The following WWC2 variants were observed in gnomAD, a reference collection of about 807,000 sequenced individuals.
The protein encoded by WWC2 is WW and C2 domain containing 2.
WWC2 carries 101 observed loss-of-function variants against 138.5 expected under a neutral mutation model. The ratio of observed to expected loss-of-function variants is 0.73; its 90% CI spans 0.62 to 0.86. WWC2 has a LOEUF of 0.86. WWC2 is among the 40% of genes least tolerant of loss of function. The pLI is 0.00. For missense variants in WWC2, 1,420 were observed against 1,419.4 expected (o/e 1.00, Z -0.01); for synonymous variants, 558 against 538.4 (o/e 1.04, Z -0.50).
At chr4:183,281,128 T>A in intron 17 of WWC2, 1 of 533,256 alleles carries the variant, frequency 1.9e-6, no homozygotes, top group Non-Finnish European at 3.0e-6. Flanking sequence ...TTGTTTCGAG[T>A]AATTTTAAAA....
chr4:183,124,945 A>T (rs560721167), intron 1 of WWC2, among the ~76,000 whole-genome samples: 1 of 152,304 alleles, frequency 6.6e-6, no homozygotes, highest in East Asian at 1.9e-4. Flanking sequence ...ATGATTAAAC[A>T]CACTAAATTT....
chr4:183,267,697 A>G lies in WWC2; in HGVS notation c.2208-1274A>G, dbSNP rs544943844. ...TCTGGAGGCATGGTGATACCTGCGT[A>G]GTGTAGGACCAGTGAAATACTCAGC... On this transcript the variant is annotated intron_variant, in intron 14 of 22. Coordinates refer to ENST00000403733, the MANE Select transcript of WWC2 (RefSeq NM_024949.6). Among the ~76,000 whole-genome samples the G allele has an allele frequency of 2.0e-5, 3 of 152,340 alleles. No individual in the cohort carries two copies. The South Asian group carries it at 6.2e-4, about 32-fold the overall frequency.
At chr4:183,315,633 A>T in intron 22 of WWC2, 30 bp from the exon 23 acceptor site, 1 of 1,579,814 alleles carries the variant, frequency 6.3e-7, no homozygotes, top group Non-Finnish European at 8.7e-7. Context: ...CATCATATAT[A>T]AGTCAATTTA....
At chr4:183,261,673 G>T in intron 11 of WWC2, 141 bp downstream of exon 11, 2 of 1,016,968 alleles carry the variant, frequency 2.0e-6, no homozygotes, top group Non-Finnish European at 2.8e-6. Flanking sequence ...CATTTAAGAA[G>T]GAGCTTTTAT....
rs1047703553 is a variant in WWC2, at chr4:183,245,491, A to G, written c.678A>G (p.Lys226=). ...CCAAAGCCATTCTAACAGAACTAAA[A>G]TCTATCAGAAAGGCAATTAGCTCAG... ...SEAKAILTEL[K]SIRKAISSGE... The change falls in exon 6 of 23, where the codon AAA becomes AAG. Residue 226 remains lysine (K), a synonymous_variant. Coordinates refer to ENST00000403733, the MANE Select transcript of WWC2 (RefSeq NM_024949.6). 1 of 1,608,788 alleles carries G rather than the reference A, an allele frequency of 6.2e-7. No homozygotes were observed. The highest frequency in any genetic ancestry group is 1.3e-5 in the African/African-American group (1 of 74,408).
chr4:183,150,073 A>G (rs994479752), intron 1 of WWC2, among the ~76,000 whole-genome samples: 1 of 152,130 alleles, frequency 6.6e-6, no homozygotes, highest in African/African-American at 2.4e-5. Context: ...TTTGATAGGC[A>G]TAGGTCCAGT....
intron 4 of WWC2, among the ~76,000 whole-genome samples, chr4:183,213,196 G>C (rs1735658295): frequency 6.6e-6 from 1 of 152,228 alleles, no homozygotes; most frequent in Non-Finnish European, 1.5e-5. Flanking sequence ...CTTGGGCACA[G>C]ATGGTGCGCT....
In WWC2 at chr4:183,099,478, C is replaced by A; in HGVS notation, c.-14C>A. On this transcript the variant is annotated 5_prime_UTR_variant, in exon 1 of 23. Coordinates refer to ENST00000403733, the MANE Select transcript of WWC2 (RefSeq NM_024949.6). ...TACCTATGGAGGCGCCGCTCGCCGG[C>A]GAGGCCGCCGACCATGCCTAGGAGG... is the stretch of plus-strand genomic sequence containing the variant. The A allele has an allele frequency of 7.7e-7, 1 of 1,293,312 alleles. No homozygotes were observed. The highest frequency in any genetic ancestry group is 9.9e-7 in the Non-Finnish European group (1 of 1,011,046). 80.1% of individuals were successfully genotyped at this position (1,293,312 alleles called of 1,614,324 possible).
At chr4:183,271,045 T>C in intron 15 of WWC2, 35 bp from the exon 16 acceptor site, 1 of 1,445,168 alleles carries the variant, frequency 6.9e-7, no homozygotes, top group Non-Finnish European at 9.1e-7. Flanking sequence ...TTCTCTTCCT[T>C]ATTTTTTTTT....
chr4:183,213,851 A>G (rs1167433628), intron 4 of WWC2, among the ~76,000 whole-genome samples: 1 of 152,112 alleles, frequency 6.6e-6, no homozygotes, highest in African/African-American at 2.4e-5. Context: ...TTTAGAATAG[A>G]TCTTAGACCA....
At chr4:183,188,838 GT>G (rs1734898514) in intron 1 of WWC2, among the ~76,000 whole-genome samples, 1 of 151,136 alleles carries the variant, frequency 6.6e-6, no homozygotes, top group Non-Finnish European at 1.5e-5. Flanking sequence ...AGAGACGGGG[GT>G]TTCACCAAGT....
At chr4:183,209,159 C>T (rs537928626) in intron 4 of WWC2, 134 bp downstream of exon 4, 76 of 609,762 alleles carry the variant, frequency 1.2e-4, no homozygotes, top group Non-Finnish European at 1.2e-5. Flanking sequence ...GATGAGTGGT[C>T]CTTCTACCTT....
At chr4:183,129,386 C>G (rs752026359) in intron 1 of WWC2, among the ~76,000 whole-genome samples, 1 of 152,058 alleles carries the variant, frequency 6.6e-6, no homozygotes, top group African/African-American at 2.4e-5. Context: ...GGATGATGGG[C>G]GTGGACTAGG....
intron 4 of WWC2, among the ~76,000 whole-genome samples, chr4:183,239,011 T>C (rs955996432): frequency 8.5e-5 from 13 of 152,148 alleles, no homozygotes; most frequent in Non-Finnish European, 4.4e-5. Flanking sequence ...CGCAACAGAA[T>C]GTGTTTAAAA....
intron 21 of WWC2, among the ~76,000 whole-genome samples, chr4:183,295,763 G>A (rs1349690541): frequency 6.6e-6 from 1 of 152,176 alleles, no homozygotes. Context: ...GAGGAAAGGT[G>A]CCCAGTTCAT....
intron 21 of WWC2, among the ~76,000 whole-genome samples, chr4:183,298,936 A>AG (rs1307004198): frequency 2.0e-5 from 3 of 150,878 alleles, no homozygotes; most frequent in Non-Finnish European, 4.4e-5. Context: ...CAGGATACTC[A>AG]GAGTGCAGTC....
At chr4:183,120,906 G>A (rs908817560) in intron 1 of WWC2, among the ~76,000 whole-genome samples, 2 of 152,172 alleles carry the variant, frequency 1.3e-5, no homozygotes, top group Non-Finnish European at 2.9e-5. Context: ...GAGCCACCAT[G>A]CCCAGCCAGA....
At chr4:183,264,895 C>G (rs1737443393) in intron 11 of WWC2, 83 bp from the exon 12 acceptor site, 2 of 1,372,828 alleles carry the variant, frequency 1.5e-6, no homozygotes, top group Non-Finnish European at 9.6e-7. Context: ...TTGGATTGCT[C>G]ATGACCAAAC....
chr4:183,202,733 T>C (rs1163447891), intron 2 of WWC2, among the ~76,000 whole-genome samples: 1 of 152,178 alleles, frequency 6.6e-6, no homozygotes, highest in Non-Finnish European at 1.5e-5. Flanking sequence ...CTCTATCCCA[T>C]TTTCATCAGC....
Sources: gnomAD v4.1 joint callset for allele counts (sites outside exome capture counted in the v4.1 genomes callset) on GRCh38, gnomAD v4.1.1 for gene constraint, MANE v1.5 for transcripts, NCBI Gene and HGNC (gene_info 2026-07-23, HGNC 2026-07-21) for gene names.